Variants in TCAIM observed in about 807,000 individuals in gnomAD.
TCAIM encodes T cell activation inhibitor, mitochondrial, also known as T-cell activation inhibitor, mitochondrial.
In TCAIM, 36 loss-of-function variants were observed where a neutral mutation model predicts 58.6. The ratio of observed to expected loss-of-function variants is 0.61; its 90% CI spans 0.47 to 0.81. The LOEUF (loss-of-function observed/expected upper bound fraction) is 0.81, where lower values mean the gene tolerates loss of function less well. Among genes scored for constraint, TCAIM ranks in the 30% least tolerant of loss-of-function variants. TCAIM has a pLI of 0.00. For missense variants in TCAIM, 466 were observed against 579.6 expected (o/e 0.80, Z 2.01); for synonymous variants, 172 against 193.6 (o/e 0.89, Z 0.93).
chr3:44,346,204 G>A (rs999445167), intron 1 of TCAIM, among the ~76,000 whole-genome samples: 2 of 152,140 alleles, frequency 1.3e-5, no homozygotes, highest in African/African-American at 2.4e-5. Context: ...GATTGAGGAC[G>A]GTAAGGGGAA....
intron 8 of TCAIM, among the ~76,000 whole-genome samples, chr3:44,399,019 G>A (rs1395769113): frequency 6.6e-6 from 1 of 152,192 alleles, no homozygotes; most frequent in Non-Finnish European, 1.5e-5. Context: ...AGTAGAGAGA[G>A]GGGAGCAGAG....
intron 5 of TCAIM, among the ~76,000 whole-genome samples, chr3:44,390,580 A>G (rs922958961): frequency 2.6e-5 from 4 of 152,214 alleles, no homozygotes; most frequent in Non-Finnish European, 4.4e-5. Flanking sequence ...CCATGATCAC[A>G]CCAACCTATT....
At position 44,357,856 on chromosome 3, in the gene TCAIM, G is replaced by A; in HGVS notation, c.145G>A (p.Gly49Arg). ...FYFAVHPDFF[G>R]QHPVEREINE... is the part of the protein sequence containing the mutation. Reference sequence around the variant, plus strand: ...TTTTGCAGTACATCCAGATTTCTTTGGACAGCACCCCGTAGAAAGGGTAAA... The same window carrying A: ...TTTTGCAGTACATCCAGATTTCTTTAGACAGCACCCCGTAGAAAGGGTAAA... The change falls in exon 3 of 11, where the codon GGA (glycine) becomes AGA (arginine). Residue 49 changes from glycine to arginine, a missense_variant. Physicochemically the swap from Gly to Arg is moderately radical, Grantham distance 125. Transcript: ENST00000342649. 1 of 1,613,916 alleles carries A rather than the reference G, an allele frequency of 6.2e-7. No individual in the cohort carries two copies. Among genetic ancestry groups the A allele is most frequent in the Non-Finnish European group, 8.5e-7 (1 of 1,179,956 alleles).
At chr3:44,401,644 A>G (rs971476212) in intron 10 of TCAIM, among the ~76,000 whole-genome samples, 1 of 152,254 alleles carries the variant, frequency 6.6e-6, no homozygotes, top group African/African-American at 2.4e-5. Context: ...CTTGATTAAC[A>G]GGAATCTTTA....
chr3:44,342,653 A>G (rs535996865), intron 1 of TCAIM, among the ~76,000 whole-genome samples: 9 of 152,132 alleles, frequency 5.9e-5, no homozygotes, highest in African/African-American at 2.2e-4. Context: ...TGCTTCTTAA[A>G]CCAAAAGAAA....
chr3:44,396,413 T>C lies in TCAIM; in HGVS notation c.709T>C (p.Trp237Arg). Residue 237 changes from tryptophan to arginine, a missense_variant, in exon 7 of 11, where the codon TGG (tryptophan) becomes CGG (arginine). Coordinates refer to ENST00000342649, the MANE Select transcript of TCAIM (RefSeq NM_173826.4). ...QLSDIRWQRS[W>R]GIAHRCSQLH... ...CTGTTGGCCTAGGTGGCAGAGGAGC[T>C]GGGGCATCGCCCACCGCTGTAGCCA... is the stretch of plus-strand genomic sequence containing the variant. The C allele has an allele frequency of 1.2e-6, 2 of 1,613,288 alleles. No homozygotes were observed. The highest frequency in any genetic ancestry group is 2.2e-5 in the South Asian group (2 of 90,912).
At chr3:44,345,316 G>A (rs1187336102) in intron 1 of TCAIM, among the ~76,000 whole-genome samples, 1 of 151,890 alleles carries the variant, frequency 6.6e-6, no homozygotes, top group Non-Finnish European at 1.5e-5. Flanking sequence ...AAGACGCAAG[G>A]TCCAAATAAG....
chr3:44,365,306 GTGTGGTGTC>G (rs1186085981), intron 4 of TCAIM, among the ~76,000 whole-genome samples: 1 of 152,082 alleles, frequency 6.6e-6, no homozygotes, highest in East Asian at 1.9e-4. Context: ...ATGATTTAAA[GTGTGGTGTC>G]TGTCATCAGT....
Position 44,392,904 on chromosome 3 carries a change from A to G in TCAIM, c.622A>G (p.Ser208Gly). The change falls in exon 6 of 11, where the codon AGT becomes GGT. Residue 208 changes from serine to glycine, a missense_variant. Transcript: ENST00000342649. ...GKSAVKKLKN[S>G]LPLRKELDRL... The stretch of plus-strand genomic sequence containing the variant: ...AAGTGCTGTTAAAAAGCTAAAGAAC[A>G]GTTTGCCACTTAGAAAAGAACTAGA... 1.2e-6 allele frequency: 2 copies of G among 1,613,612 alleles called. No homozygotes were observed. Among genetic ancestry groups the G allele is most frequent in the Non-Finnish European group, 1.7e-6 (2 of 1,179,698 alleles).
At chr3:44,345,511 T>G (rs1201771918) in intron 1 of TCAIM, among the ~76,000 whole-genome samples, 3 of 152,202 alleles carry the variant, frequency 2.0e-5, no homozygotes, top group Non-Finnish European at 2.9e-5. Flanking sequence ...ACAACACTCT[T>G]CGTTTAATAT....
intron 1 of TCAIM, among the ~76,000 whole-genome samples, chr3:44,346,538 T>G (rs577164327): frequency 3.7e-4 from 55 of 150,166 alleles, no homozygotes; most frequent in African/African-American, 1.3e-3. Context: ...CCCTGAGGAG[T>G]AGTAGAATAG....
intron 5 of TCAIM, among the ~76,000 whole-genome samples, chr3:44,387,791 G>C (rs1488643270): frequency 6.6e-6 from 1 of 152,122 alleles, no homozygotes; most frequent in African/African-American, 2.4e-5. Context: ...CAACCACAGA[G>C]GTTTCCAGCT....
At chr3:44,394,455 T>G (rs991502008) in intron 6 of TCAIM, among the ~76,000 whole-genome samples, 1 of 152,194 alleles carries the variant, frequency 6.6e-6, no homozygotes, top group Non-Finnish European at 1.5e-5. Context: ...CAAATAACTT[T>G]TTCTAATAGA....
At chr3:44,398,334 G>T (rs1246515435) in intron 8 of TCAIM, among the ~76,000 whole-genome samples, 1 of 152,106 alleles carries the variant, frequency 6.6e-6, no homozygotes, top group African/African-American at 2.4e-5. Flanking sequence ...GGAGGCTGAG[G>T]CAGGAGAATC....
chr3:44,380,538 A>T (rs1432240488), intron 5 of TCAIM, among the ~76,000 whole-genome samples: 2 of 152,168 alleles, frequency 1.3e-5, no homozygotes, highest in Non-Finnish European at 2.9e-5. Flanking sequence ...ACATTTAAAA[A>T]CCAAGAAAGA....
intron 1 of TCAIM, 127 bp downstream of exon 1, chr3:44,338,961 A>T (rs186688733): frequency 6.6e-6 from 1 of 152,356 alleles, no homozygotes; most frequent in East Asian, 1.9e-4. Context: ...AGGCAGTGCC[A>T]GGGGACGCAG....
chr3:44,351,785 G>A (rs749003992), intron 1 of TCAIM, among the ~76,000 whole-genome samples: 44 of 151,962 alleles, frequency 2.9e-4, no homozygotes, highest in Admixed American at 1.6e-3. Context: ...ATGAGCCACC[G>A]CGCCCAACCC....
At chr3:44,390,514 T>C (rs1456758116) in intron 5 of TCAIM, among the ~76,000 whole-genome samples, 2 of 152,144 alleles carry the variant, frequency 1.3e-5, no homozygotes, top group Non-Finnish European at 2.9e-5. Flanking sequence ...TCCCAGCTAC[T>C]AGAGAGGCTA....
intron 1 of TCAIM, among the ~76,000 whole-genome samples, chr3:44,350,190 A>G (rs1241875508): frequency 1.3e-5 from 2 of 152,148 alleles, no homozygotes; most frequent in African/African-American, 4.8e-5. Flanking sequence ...GAAAAATTAC[A>G]GTCAAACGGG....
Sources: allele counts gnomAD v4.1 joint callset (sites outside exome capture counted in the v4.1 genomes callset), GRCh38; gene constraint gnomAD v4.1.1; transcripts MANE v1.5; gene names NCBI Gene and HGNC (gene_info 2026-07-23, HGNC 2026-07-21).